Variants in CREBZF observed in about 807,000 individuals in gnomAD.
CREBZF encodes HCF-binding transcription factor Zhangfei.
CREBZF carries 8 observed loss-of-function variants against 21.1 expected under a neutral mutation model. The observed-to-expected ratio is 0.38, with a 90% CI of 0.22 to 0.68. The LOEUF is 0.68. Ranked by LOEUF, CREBZF falls within the 30% of genes least tolerant of loss-of-function variation. The pLI is 0.51. For missense variants in CREBZF, 518 were observed against 484.3 expected (o/e 1.07, Z -0.65); for synonymous variants, 270 against 223.3 (o/e 1.21, Z -1.86).
intron 1 of CREBZF, among the ~76,000 whole-genome samples, chr11:85,680,980 T>C (rs1323629374): frequency 2.0e-5 from 3 of 152,226 alleles, no homozygotes; most frequent in Admixed American, 2.0e-4. Context: ...ACTGGCCTCA[T>C]TCCCATCTCA....
At position 85,663,388 on chromosome 11, in the gene CREBZF, G is replaced by A. The variant is rs2082742374; in HGVS notation, c.*423C>T. Reference sequence around the variant, plus strand: ...CAAGTCTGTTTCCAGGGTGGACAGGGCCCAAATTAGATTTCCCTCCCACCT... The same window carrying A: ...CAAGTCTGTTTCCAGGGTGGACAGGACCCAAATTAGATTTCCCTCCCACCT... On this transcript the variant is annotated 3_prime_UTR_variant, in exon 1 of 1. Transcript: ENST00000527447. The A allele has an allele frequency of 3.1e-6, 2 of 644,254 alleles. No individual in the cohort carries two copies. Among genetic ancestry groups the A allele is most frequent in the Non-Finnish European group, 5.6e-6 (2 of 359,228 alleles). The allele number at this position is 644,254 out of a possible 1,614,324, so 39.9% of individuals were successfully genotyped here. A position where few individuals can be genotyped will look rare whatever the true frequency, so the allele number is the denominator to read the frequency against.
upstream of CREBZF, among the ~76,000 whole-genome samples, chr11:85,666,600 C>G (rs1340091900): frequency 2.6e-5 from 4 of 152,154 alleles, no homozygotes; most frequent in Non-Finnish European, 1.5e-5. Context: ...TAGTAGATAT[C>G]CTCGAGGATA....
rs772923265 is a variant in CREBZF at position 85,663,807 on chromosome 11, G to GA, written c.*3dup. The stretch of plus-strand genomic sequence containing the variant: ...AACGCGGATAAAGAGCAGATTACTT[G>GA]ACCCTACATTTTAAGAGAAGACGAC... On this transcript the variant is annotated 3_prime_UTR_variant, in exon 1 of 1. Transcript: ENST00000527447. 1.3e-6 allele frequency: 2 copies of GA among 1,593,766 alleles called. No homozygotes were observed. Among genetic ancestry groups the GA allele is most frequent in the Non-Finnish European group, 8.5e-7 (1 of 1,172,540 alleles).
At chr11:85,676,970 C>CTTTTTTTCTTTT (rs2082946589) in intron 1 of CREBZF, among the ~76,000 whole-genome samples, 1 of 118,638 alleles carries the variant, frequency 8.4e-6, no homozygotes, top group African/African-American at 3.3e-5. Flanking sequence ...CTTTTTCTGT[C>CTTTTTTTCTTTT]TTTTTTTTTT....
chr11:85,671,214 C>T (rs557971902), intron 1 of CREBZF, among the ~76,000 whole-genome samples: 33 of 152,180 alleles, frequency 2.2e-4, no homozygotes, highest in Middle Eastern at 3.2e-3. Flanking sequence ...TTTACAAAAC[C>T]ATCAGACCTC....
chr11:85,665,607 G>A (rs776920862), upstream of CREBZF, among the ~76,000 whole-genome samples: 8 of 150,466 alleles, frequency 5.3e-5, no homozygotes, highest in Non-Finnish European at 8.8e-5. Context: ...CATTCCATAT[G>A]TATAGAAATA....
chr11:85,660,472 G>T lies in CREBZF; in HGVS notation c.*3339C>A, dbSNP rs1223205194. The stretch of plus-strand genomic sequence containing the variant: ...AGAAGTAATTTGGGAACTTGAAAAT[G>T]GCATTCATTTTTTTCAGCAGATGCC... On this transcript the variant is annotated 3_prime_UTR_variant, in exon 1 of 1. Coordinates refer to ENST00000527447, the MANE Select transcript of CREBZF (RefSeq NM_001039618.4). 2.5e-6 allele frequency: 1 copy of T among 392,946 alleles called. No homozygotes were observed. The highest frequency in any genetic ancestry group is 2.1e-5 in the African/African-American group (1 of 46,604). The allele number at this position is 392,946 out of a possible 1,614,324, so 24.3% of individuals were successfully genotyped here. A position where few individuals can be genotyped will look rare whatever the true frequency, so the allele number is the denominator to read the frequency against.
At chr11:85,669,604 A>C (rs1054099558), upstream of CREBZF, among the ~76,000 whole-genome samples, 5 of 152,226 alleles carry the variant, frequency 3.3e-5, no homozygotes, top group South Asian at 1.0e-3. Flanking sequence ...GGGTCACCCA[A>C]TTGAAAATAA....
Position 85,664,197 on chromosome 11 carries a change from CCTTCTT to C in CREBZF, c.673_678del (p.Lys225_Lys226del). ...CGACTCTCCAGCCCCATCACGTACT[CCTTCTT>C]CTTCAGTCGATTAAGGCGGGCAGCG... On this transcript the variant is annotated inframe_deletion, in exon 1 of 1. Coordinates refer to ENST00000527447, the MANE Select transcript of CREBZF (RefSeq NM_001039618.4). This position sits in a 1 kb window ranked among gnomAD's most constrained non-coding sequence, Gnocchi z 5.5. 6.2e-7 allele frequency: 1 copy of C among 1,613,404 alleles called. No individual in the cohort carries two copies. The highest frequency in any genetic ancestry group is 8.5e-7 in the Non-Finnish European group (1 of 1,180,012).
At position 85,664,403 on chromosome 11, in the gene CREBZF, C is replaced by A. The variant is rs2082789973; in HGVS notation, c.473G>T (p.Arg158Leu). Reference sequence around the variant, plus strand: ...CAGCCTTTGCAGCAGGTCAGAGAAGCGCTGCATTTCAGCAGCCGCGGCCTC... The same window carrying A: ...CAGCCTTTGCAGCAGGTCAGAGAAGAGCTGCATTTCAGCAGCCGCGGCCTC... ...DDEAAAAEMQ[R>L]FSDLLQRLLN... The change falls in exon 1 of 1, where the codon CGC becomes CTC. Residue 158 changes from arginine to leucine, a missense_variant. Arg to Leu is a moderately radical substitution (Grantham distance 102). Around this residue, in one of 3 missense-constraint regions of CREBZF, gnomAD observed 396 missense variants for 324.4 expected, o/e 1.22. Transcript: ENST00000527447. The surrounding 1 kb of genome is among the most constrained non-coding windows in gnomAD (Gnocchi z 5.5). 2.5e-6 allele frequency: 4 copies of A among 1,613,678 alleles called. No homozygotes were observed. The highest frequency in any genetic ancestry group is 2.2e-5 in the East Asian group (1 of 44,878).
chr11:85,662,704 G>C lies in CREBZF; in HGVS notation c.*1107C>G. On this transcript the variant is annotated 3_prime_UTR_variant, in exon 1 of 1. Coordinates refer to ENST00000527447, the MANE Select transcript of CREBZF (RefSeq NM_001039618.4). ...ATAGGACAAATACTTTTGAAACACA[G>C]AGAATAAGATTCTTTGTGAAGCCTC... The C allele has an allele frequency of 2.8e-6, 1 of 353,506 alleles. No homozygotes were observed. Among genetic ancestry groups the C allele is most frequent in the Admixed American group, 4.4e-5 (1 of 22,766 alleles). 21.9% of individuals were successfully genotyped at this position (353,506 alleles called of 1,614,324 possible).
At chr11:85,679,514 C>T (rs1391123826) in intron 1 of CREBZF, among the ~76,000 whole-genome samples, 1 of 152,190 alleles carries the variant, frequency 6.6e-6, no homozygotes, top group Admixed American at 6.5e-5. Context: ...GATCTACCTC[C>T]ACTACCTTTT....
upstream of CREBZF, chr11:85,665,155 A>G (rs970560882): frequency 7.6e-6 from 3 of 393,044 alleles, no homozygotes; most frequent in Non-Finnish European, 1.4e-5. Context: ...AGTCCCGCCC[A>G]CCGCGTTTCG....
intron 1 of CREBZF, among the ~76,000 whole-genome samples, chr11:85,681,199 A>G (rs1373127911): frequency 6.6e-6 from 1 of 152,116 alleles, no homozygotes; most frequent in Non-Finnish European, 1.5e-5. Context: ...AGTCTGCCCA[A>G]CTCTGCTGGT....
upstream of CREBZF, among the ~76,000 whole-genome samples, chr11:85,667,363 G>A (rs1358809257): frequency 1.3e-5 from 2 of 152,226 alleles, no homozygotes; most frequent in South Asian, 2.1e-4. Context: ...GCAAGCCACT[G>A]CAACTGCCCA....
chr11:85,665,789 T>G (rs1210464924), upstream of CREBZF, among the ~76,000 whole-genome samples: 1 of 152,186 alleles, frequency 6.6e-6, no homozygotes, highest in Admixed American at 6.5e-5. Context: ...CAGTACTGAC[T>G]TACTGCATTT....
At position 85,664,341 on chromosome 11, in the gene CREBZF, T is replaced by G; in HGVS notation, c.535A>C (p.Ser179Arg). ...CTCCGCCTCTTTTCGGCGCTGCCAC[T>G]GTCACTGCTGCTGCTGCAGCCTCCG... Reference protein sequence around the residue: ...GIGGCSSSSDSGSAEKRRRKS... With the variant: ...GIGGCSSSSDRGSAEKRRRKS... Residue 179 changes from serine to arginine, a missense_variant, in exon 1 of 1, where the codon AGT (serine) becomes CGT (arginine). Coordinates refer to ENST00000527447, the MANE Select transcript of CREBZF (RefSeq NM_001039618.4). The surrounding 1 kb of genome is among the most constrained non-coding windows in gnomAD (Gnocchi z 5.5). 2 of 1,612,914 alleles carry G rather than the reference T, an allele frequency of 1.2e-6. No individual in the cohort carries two copies. Among genetic ancestry groups the G allele is most frequent in the South Asian group, 1.1e-5 (1 of 91,050 alleles).
intron 1 of CREBZF, among the ~76,000 whole-genome samples, chr11:85,672,414 C>G (rs2082918303): frequency 6.6e-6 from 1 of 152,270 alleles, no homozygotes; most frequent in African/African-American, 2.4e-5. Context: ...ATTTCTGCAG[C>G]AGGCTTGAAT....
At position 85,660,039 on chromosome 11, in the gene CREBZF, A is replaced by AAAAG. The variant is rs2082630295; in HGVS notation, c.*3768_*3771dup. On this transcript the variant is annotated 3_prime_UTR_variant, in exon 1 of 1. Transcript: ENST00000527447. ...GATATACAAATCAATGCATCTATTT[A>AAAAG]AAAGGACTACTCTTTATAGTTCAGA... is the stretch of plus-strand genomic sequence containing the variant. 1 of 152,144 alleles carries AAAAG rather than the reference A, an allele frequency of 6.6e-6. No individual in the cohort carries two copies. Among genetic ancestry groups the AAAAG allele is most frequent in the African/African-American group, 2.4e-5 (1 of 41,464 alleles). The allele number at this position is 152,144 out of a possible 1,614,324, so 9.4% of individuals were successfully genotyped here. A position where few individuals can be genotyped will look rare whatever the true frequency, so the allele number is the denominator to read the frequency against.
Sources: allele counts gnomAD v4.1 joint callset (sites outside exome capture counted in the v4.1 genomes callset), GRCh38; gene constraint gnomAD v4.1.1; regional missense constraint gnomAD v4.1.1; non-coding constraint Gnocchi (gnomAD v3.1); transcripts MANE v1.5; gene names NCBI Gene and HGNC (gene_info 2026-07-23, HGNC 2026-07-21).